PLPBP: variants seen among roughly 807,000 people sequenced by gnomAD.
PLPBP encodes pyridoxal phosphate homeostasis protein.
PLPBP carries 21 observed loss-of-function variants against 31.2 expected under a neutral mutation model. The observed-to-expected ratio is 0.67, with a 90% CI of 0.48 to 0.97. The LOEUF (loss-of-function observed/expected upper bound fraction) is 0.97, where lower values mean the gene tolerates loss of function less well. Among genes scored for constraint, PLPBP ranks in the 50% least tolerant of loss-of-function variants. The pLI, the probability that PLPBP is intolerant of heterozygous loss-of-function variation, is 0.00. For synonymous variants in PLPBP, 124 were observed against 135.6 expected, an observed-to-expected ratio of 0.91 and a Z score of 0.59; for missense variants, 308 against 354.4, an observed-to-expected ratio of 0.87 and a Z score of 1.05.
intron 7 of PLPBP, among the ~76,000 whole-genome samples, chr8:37,776,736 A>G (rs1224586517): frequency 6.6e-6 from 1 of 152,160 alleles, no homozygotes; most frequent in Non-Finnish European, 1.5e-5. Context: ...GTATCACAGC[A>G]AATCACGATG....
chr8:37,769,144 G>C, intron 4 of PLPBP, among the ~76,000 whole-genome samples: 1 of 151,964 alleles, frequency 6.6e-6, no homozygotes, highest in Non-Finnish European at 1.5e-5. Flanking sequence ...AGACCAGCCT[G>C]GGTAACATGG....
chr8:37,763,302 G>A (rs1305099667), intron 1 of PLPBP, among the ~76,000 whole-genome samples: 3 of 152,210 alleles, frequency 2.0e-5, no homozygotes, highest in Non-Finnish European at 4.4e-5. Flanking sequence ...AGCCGGTTAA[G>A]GGGAGCTTTC....
rs772265941 is a variant in PLPBP at position 37,766,261 on chromosome 8, G to T, written c.244-19G>T. ...CTCTATAAAATCTGAATTACACATGGTTACCTTTTTCCCCTCAGATTCTGT... is the reference window on the plus strand; with the variant it reads ...CTCTATAAAATCTGAATTACACATGTTTACCTTTTTCCCCTCAGATTCTGT... On this transcript the variant is annotated intron_variant, in intron 3 of 7. Coordinates refer to ENST00000328195, the MANE Select transcript of PLPBP (RefSeq NM_007198.4). The T allele has an allele frequency of 1.9e-6, 3 of 1,594,432 alleles. No homozygotes were observed. The highest frequency in any genetic ancestry group is 1.1e-5 in the South Asian group (1 of 88,758).
chr8:37,770,911 AGCGGG>A (rs1803753975), intron 4 of PLPBP, among the ~76,000 whole-genome samples: 1 of 152,018 alleles, frequency 6.6e-6, no homozygotes, highest in African/African-American at 2.4e-5. Flanking sequence ...GGGAGGAGGG[AGCGGG>A]GAAGGAGCCA....
At chr8:37,772,725 G>T in intron 4 of PLPBP, 30 bp from the exon 5 acceptor site, 1 of 1,612,772 alleles carries the variant, frequency 6.2e-7, no homozygotes, top group East Asian at 2.2e-5. Context: ...AGCAAATAAG[G>T]AATACTACTT....
rs1218158834 is a variant in PLPBP at position 37,779,549 on chromosome 8, T to TTC, written c.*1449_*1450dup. ...TGTTTTTTATTTTCCAGATGGCTTT[T>TTC]TCTCTTATTTTTTGAAGCCCCAGTC... On this transcript the variant is annotated 3_prime_UTR_variant, in exon 8 of 8. Transcript: ENST00000328195. The TTC allele has an allele frequency of 6.6e-6, 1 of 152,542 alleles. No individual in the cohort carries two copies. The highest frequency in any genetic ancestry group is 1.5e-5 in the Non-Finnish European group (1 of 68,044). The allele number at this position is 152,542 out of a possible 1,614,324, so 9.4% of individuals were successfully genotyped here. A position where few individuals can be genotyped will look rare whatever the true frequency, so the allele number is the denominator to read the frequency against.
At chr8:37,777,879 G>A in intron 7 of PLPBP, 94 bp from the exon 8 acceptor site, 1 of 1,420,352 alleles carries the variant, frequency 7.0e-7, no homozygotes, top group Non-Finnish European at 9.6e-7. Context: ...TCCATAGAAG[G>A]CTCTTGAGAG....
chr8:37,764,071 C>CTTTTTTTTTTTTTTTTTTTTTTTTTTT (rs111913973), intron 1 of PLPBP, among the ~76,000 whole-genome samples: 2 of 126,912 alleles, frequency 1.6e-5, no homozygotes, highest in Admixed American at 7.8e-5. Flanking sequence ...TCTTTTCTTT[C>CTTTTTTTTTTTTTTTTTTTTTTTTTTT]TTTTTTTTTT....
chr8:37,768,150 T>C (rs778915707), intron 4 of PLPBP, among the ~76,000 whole-genome samples: 1 of 152,152 alleles, frequency 6.6e-6, no homozygotes, highest in Non-Finnish European at 1.5e-5. Flanking sequence ...CTAGGATAAA[T>C]CCTACTTGAA....
At position 37,777,851 on chromosome 8, in the gene PLPBP, G is replaced by A. The variant is rs556488564; in HGVS notation, c.697-122G>A. 1.3e-4 allele frequency: 155 copies of A among 1,169,918 alleles called. No homozygotes were observed. In the African/African-American group the frequency reaches 2.0e-3, roughly 15 times the overall value. The allele number at this position is 1,169,918 out of a possible 1,614,324, so 72.5% of individuals were successfully genotyped here. A position where few individuals can be genotyped will look rare whatever the true frequency, so the allele number is the denominator to read the frequency against. Reference sequence around the variant, plus strand: ...CTCCCAAAATGCTGGGATTACAGGCGTGAGCCACCACGCCCCGTCCATAGA... The same window carrying A: ...CTCCCAAAATGCTGGGATTACAGGCATGAGCCACCACGCCCCGTCCATAGA... On this transcript the variant is annotated intron_variant, in intron 7 of 7. Coordinates refer to ENST00000328195, the MANE Select transcript of PLPBP (RefSeq NM_007198.4).
chr8:37,777,945 C>T, intron 7 of PLPBP, 28 bp from the exon 8 acceptor site: 2 of 1,598,880 alleles, frequency 1.3e-6, no homozygotes, highest in Non-Finnish European at 1.7e-6. Context: ...TAAACCTGGT[C>T]CTCGATACCT....
chr8:37,768,870 C>T (rs1298076587), intron 4 of PLPBP, among the ~76,000 whole-genome samples: 1 of 152,144 alleles, frequency 6.6e-6, no homozygotes, highest in African/African-American at 2.4e-5. Context: ...AGTCAGTCCT[C>T]TGCATGTTTT....
chr8:37,769,725 C>T (rs888211900), intron 4 of PLPBP, among the ~76,000 whole-genome samples: 3 of 152,064 alleles, frequency 2.0e-5, no homozygotes, highest in Admixed American at 1.3e-4. Context: ...GATTCTAAAA[C>T]CGTAGAGTCT....
At chr8:37,766,188 G>C in intron 3 of PLPBP, 92 bp from the exon 4 acceptor site, 6 of 858,538 alleles carry the variant, frequency 7.0e-6, no homozygotes, top group Non-Finnish European at 1.1e-5. Flanking sequence ...ACAGAGAGTG[G>C]ATGTGAAAGG....
chr8:37,773,572 G>A (rs1296823990), intron 5 of PLPBP, among the ~76,000 whole-genome samples: 6 of 150,844 alleles, frequency 4.0e-5, no homozygotes, highest in Admixed American at 1.3e-4. Flanking sequence ...GGGTTGAAGC[G>A]ATTCTCCTGC....
chr8:37,767,069 A>C (rs946882144), intron 4 of PLPBP, among the ~76,000 whole-genome samples: 1 of 149,728 alleles, frequency 6.7e-6, no homozygotes, highest in South Asian at 2.1e-4. Flanking sequence ...AAAAAAAAAA[A>C]CAAGAATCAT....
At chr8:37,770,782 G>A (rs1406304599) in intron 4 of PLPBP, among the ~76,000 whole-genome samples, 1 of 152,096 alleles carries the variant, frequency 6.6e-6, no homozygotes, top group Non-Finnish European at 1.5e-5. Context: ...TCACCATGTT[G>A]GCCAGGCTGG....
intron 4 of PLPBP, among the ~76,000 whole-genome samples, chr8:37,771,734 A>G (rs1275409137): frequency 6.6e-6 from 1 of 152,094 alleles, no homozygotes; most frequent in Non-Finnish European, 1.5e-5. Context: ...GGCCAAGGCC[A>G]GCAGATCACG....
chr8:37,773,014 C>T, intron 5 of PLPBP, 125 bp downstream of exon 5: 3 of 1,303,788 alleles, frequency 2.3e-6, no homozygotes, highest in Non-Finnish European at 3.2e-6. Flanking sequence ...TCACAGGCCT[C>T]TAAGTTGGCT....
Sources: allele counts gnomAD v4.1 joint callset (sites outside exome capture counted in the v4.1 genomes callset), GRCh38; gene constraint gnomAD v4.1.1; transcripts MANE v1.5; gene names NCBI Gene and HGNC (gene_info 2026-07-23, HGNC 2026-07-21).